Variants in STK3 observed in about 807,000 individuals in gnomAD.
The protein encoded by STK3 is serine/threonine kinase 3.
STK3 carries 41 observed loss-of-function variants against 58.0 expected under a neutral mutation model. The observed-to-expected ratio is 0.71, with a 90% CI of 0.55 to 0.92. The LOEUF (loss-of-function observed/expected upper bound fraction) is 0.92. Ranked by LOEUF, STK3 falls within the 40% of genes least tolerant of loss-of-function variation. The probability of loss-of-function intolerance (pLI) is 0.00; values close to 1 mark genes in which losing one functional copy is unlikely to be tolerated. For missense variants in STK3, 479 were observed against 602.7 expected (o/e 0.79, Z 2.15); for synonymous variants, 170 against 191.0 (o/e 0.89, Z 0.91).
At chr8:98,836,534 T>C (rs1835754455) in intron 3 of STK3, among the ~76,000 whole-genome samples, 1 of 152,230 alleles carries the variant, frequency 6.6e-6, no homozygotes, top group East Asian at 1.9e-4. Flanking sequence ...CCTATATTCT[T>C]TAGAGGTGTC....
At chr8:98,941,186 A>G (rs1840411055) in intron 1 of STK3, among the ~76,000 whole-genome samples, 1 of 152,240 alleles carries the variant, frequency 6.6e-6, no homozygotes, top group Non-Finnish European at 1.5e-5. Context: ...TTCCCACCTC[A>G]GCCCTGCTGA....
At chr8:98,882,140 T>A (rs868687466), downstream of STK3, 15 of 152,340 alleles carry the variant, frequency 9.8e-5, 1 homozygote, top group Middle Eastern at 0.014. Context: ...AATTTATCCA[T>A]GACTTATTCC....
At chr8:98,670,176 C>T (rs754466981) in intron 6 of STK3, among the ~76,000 whole-genome samples, 3 of 152,116 alleles carry the variant, frequency 2.0e-5, no homozygotes, top group Non-Finnish European at 4.4e-5. Flanking sequence ...CGAGACCAGC[C>T]TGGGCAACAT....
chr8:98,696,713 GA>G (rs1366128056), intron 6 of STK3, among the ~76,000 whole-genome samples: 1 of 152,156 alleles, frequency 6.6e-6, no homozygotes, highest in Non-Finnish European at 1.5e-5. Flanking sequence ...AAGCCCACTT[GA>G]TCATGGTGGA....
chr8:98,364,463 G>T, the STK3 span, among the ~76,000 whole-genome samples: 1 of 152,176 alleles, frequency 6.6e-6, no homozygotes, highest in African/African-American at 2.4e-5. Flanking sequence ...TTCCCCGGAG[G>T]CTGAGTAAGA....
At position 98,742,471 on chromosome 8, in the gene STK3, C is replaced by T. The variant is rs199593920; in HGVS notation, c.351+6805G>A. On this transcript the variant is annotated intron_variant, in intron 4 of 10. Coordinates refer to ENST00000419617, the MANE Select transcript of STK3 (RefSeq NM_006281.4). ...TAATCCATCACGTAAACAGAACCAA[C>T]GACAAAAACCATATGATTATCTCAA... Among the ~76,000 whole-genome samples, 25 of 122,260 alleles carry T rather than the reference C, an allele frequency of 2.0e-4. 4 individuals are homozygous for T. The highest frequency in any genetic ancestry group is 6.9e-4 in the African/African-American group (22 of 31,838). 80.2% of individuals were successfully genotyped at this position (122,260 alleles called of 152,430 possible).
chr8:98,665,942 A>G (rs932986474), intron 6 of STK3, among the ~76,000 whole-genome samples: 8 of 151,894 alleles, frequency 5.3e-5, no homozygotes, highest in Non-Finnish European at 1.0e-4. Flanking sequence ...TGACCTCGTG[A>G]TCCACCTGCC....
At chr8:98,490,666 A>G (rs1289850337) in intron 10 of STK3, among the ~76,000 whole-genome samples, 1 of 152,226 alleles carries the variant, frequency 6.6e-6, no homozygotes, top group African/African-American at 2.4e-5. Flanking sequence ...ATAAATCATT[A>G]AACGGATGGT....
At chr8:98,711,891 C>T (rs1213562705) in intron 4 of STK3, among the ~76,000 whole-genome samples, 2 of 152,150 alleles carry the variant, frequency 1.3e-5, no homozygotes, top group African/African-American at 4.8e-5. Context: ...AGAGAAAGGT[C>T]GGGTTACCCA....
At chr8:98,470,969 AT>A (rs1274279380) in intron 10 of STK3, among the ~76,000 whole-genome samples, 6 of 152,230 alleles carry the variant, frequency 3.9e-5, no homozygotes, top group African/African-American at 1.4e-4. Flanking sequence ...ATAAAATTAA[AT>A]GATCCTAAAT....
chr8:98,437,866 T>G (rs1238693408), intron 1 of STK3: 1 of 152,018 alleles, frequency 6.6e-6, no homozygotes, highest in Non-Finnish European at 1.5e-5. Flanking sequence ...GAAACCACAA[T>G]CCACAAAACC....
At chr8:98,586,688 G>A (rs969796798) in intron 7 of STK3, among the ~76,000 whole-genome samples, 2 of 151,894 alleles carry the variant, frequency 1.3e-5, no homozygotes, top group Admixed American at 1.3e-4. Flanking sequence ...GTTCCTCCTT[G>A]TACCTCTGGT....
intron 6 of STK3, among the ~76,000 whole-genome samples, chr8:98,694,465 G>C (rs909093829): frequency 6.6e-6 from 1 of 151,854 alleles, no homozygotes; most frequent in African/African-American, 2.4e-5. Flanking sequence ...TCGTCATTTA[G>C]CATTAAGTAT....
intron 6 of STK3, among the ~76,000 whole-genome samples, chr8:98,661,316 T>C (rs1465726837): frequency 1.3e-5 from 2 of 152,228 alleles, no homozygotes; most frequent in African/African-American, 4.8e-5. Flanking sequence ...GTCATAGGCA[T>C]ATAGTACTCT....
intron 10 of STK3, among the ~76,000 whole-genome samples, chr8:98,524,186 C>T (rs1305676340): frequency 2.0e-5 from 3 of 152,216 alleles, no homozygotes; most frequent in Non-Finnish European, 4.4e-5. Flanking sequence ...GTTTACTTCT[C>T]AGCTCTCTAT....
chr8:98,885,202 A>T (rs1356056712), intron 1 of STK3, among the ~76,000 whole-genome samples: 1 of 152,208 alleles, frequency 6.6e-6, no homozygotes. Context: ...TGGGTAATTA[A>T]CTGAACCAAG....
rs577439372 is a variant in STK3, at chr8:98,503,191, C to T, written c.1317+23551G>A. Among the ~76,000 whole-genome samples the T allele has an allele frequency of 9.1e-4, 139 of 152,188 alleles. 1 individual carries two copies. The highest frequency in any genetic ancestry group is 3.2e-3 in the African/African-American group (134 of 41,536). On this transcript the variant is annotated intron_variant, in intron 10 of 10. Coordinates refer to ENST00000419617, the MANE Select transcript of STK3 (RefSeq NM_006281.4). ...TCTTCTAGATTTTCTAGTTTGTTTG[C>T]GTAGAGGTGTTTATAGTATTCTCTG...
At chr8:98,529,091 G>A (rs1187663354) in intron 9 of STK3, among the ~76,000 whole-genome samples, 1 of 152,150 alleles carries the variant, frequency 6.6e-6, no homozygotes, top group East Asian at 1.9e-4. Context: ...TAGCACAGTT[G>A]AAAACTACAG....
intron 6 of STK3, among the ~76,000 whole-genome samples, chr8:98,623,342 G>C (rs144404760): frequency 6.6e-6 from 1 of 152,282 alleles, no homozygotes; most frequent in East Asian, 1.9e-4. Flanking sequence ...TTATGTCAAA[G>C]CCCTAATGCT....
Sources: allele counts gnomAD v4.1 joint callset (sites outside exome capture counted in the v4.1 genomes callset), GRCh38; gene constraint gnomAD v4.1.1; transcripts MANE v1.5; gene names NCBI Gene and HGNC (gene_info 2026-07-23, HGNC 2026-07-21).